Variants in UBE2W observed in about 807,000 individuals in gnomAD.
UBE2W encodes the protein ubiquitin-conjugating enzyme E2 W.
In UBE2W, 18 loss-of-function variants were observed where a neutral mutation model predicts 27.2. The observed-to-expected ratio is 0.66, with a 90% CI of 0.46 to 0.98. UBE2W has a LOEUF of 0.98. Ranked by LOEUF, UBE2W falls within the 50% of genes least tolerant of loss-of-function variation. UBE2W has a pLI of 0.00. For synonymous variants in UBE2W, 53 were observed against 57.2 expected (o/e 0.93, Z 0.33); for missense variants, 90 against 180.2 (o/e 0.50, Z 2.87).
intron 1 of UBE2W, among the ~76,000 whole-genome samples, chr8:73,852,337 C>A (rs542286792): frequency 9.2e-5 from 14 of 152,246 alleles, no homozygotes; most frequent in African/African-American, 3.1e-4. Flanking sequence ...GAGTTTACTA[C>A]CCTAGAATCA....
At chr8:73,837,804 T>C (rs1424399296) in intron 1 of UBE2W, among the ~76,000 whole-genome samples, 3 of 152,180 alleles carry the variant, frequency 2.0e-5, no homozygotes, top group African/African-American at 7.2e-5. Flanking sequence ...AACACATGAC[T>C]TCAGCAAATC....
chr8:73,838,290 G>C (rs1190240744), intron 1 of UBE2W, among the ~76,000 whole-genome samples: 1 of 151,592 alleles, frequency 6.6e-6, no homozygotes, highest in African/African-American at 2.4e-5. Flanking sequence ...TTTTCCCCCC[G>C]GTAAGAAAAC....
intron 1 of UBE2W, among the ~76,000 whole-genome samples, chr8:73,872,660 G>A (rs966332680): frequency 1.3e-5 from 2 of 152,168 alleles, no homozygotes; most frequent in Non-Finnish European, 2.9e-5. Flanking sequence ...AATGAACACA[G>A]TTTGGCATCA....
intron 5 of UBE2W, among the ~76,000 whole-genome samples, chr8:73,798,413 TG>T (rs1244159733): frequency 1.3e-5 from 2 of 152,246 alleles, no homozygotes; most frequent in African/African-American, 4.8e-5. Context: ...TAGCTCATTA[TG>T]TATATGCAAA....
chr8:73,869,620 G>C (rs559313841), intron 1 of UBE2W, among the ~76,000 whole-genome samples: 16 of 152,306 alleles, frequency 1.1e-4, no homozygotes, highest in African/African-American at 3.6e-4. Context: ...GAACCTGGGA[G>C]ACGGAGGTTG....
intron 1 of UBE2W, among the ~76,000 whole-genome samples, chr8:73,844,031 C>T (rs1025351292): frequency 2.0e-5 from 3 of 152,094 alleles, no homozygotes; most frequent in Non-Finnish European, 2.9e-5. Context: ...TGAGAATCTC[C>T]CAGAATTGTT....
chr8:73,823,883 AG>A (rs1379688955), intron 3 of UBE2W, among the ~76,000 whole-genome samples: 1 of 152,310 alleles, frequency 6.6e-6, no homozygotes, highest in East Asian at 1.9e-4. Context: ...TACATAACTA[AG>A]AAAAGATTAA....
At chr8:73,815,373 T>C (rs1809342524) in intron 3 of UBE2W, among the ~76,000 whole-genome samples, 1 of 151,906 alleles carries the variant, frequency 6.6e-6, no homozygotes, top group Middle Eastern at 3.4e-3. Context: ...GACCCTGTCT[T>C]GGAAAAAAAA....
At chr8:73,828,791 T>C (rs1809956084) in intron 2 of UBE2W, among the ~76,000 whole-genome samples, 1 of 152,184 alleles carries the variant, frequency 6.6e-6, no homozygotes, top group Admixed American at 6.5e-5. Context: ...ATACTTTTAG[T>C]TATGTGAAAA....
chr8:73,790,552 A>G lies in UBE2W; in HGVS notation c.*3550T>C, dbSNP rs143068315. The G allele has an allele frequency of 1.5e-5, 15 of 984,382 alleles. No homozygotes were observed. Among genetic ancestry groups the G allele is most frequent in the Admixed American group, 6.1e-5 (1 of 16,286 alleles). 61.0% of individuals were successfully genotyped at this position (984,382 alleles called of 1,614,324 possible). A position where few individuals can be genotyped will look rare whatever the true frequency, so the allele number is the denominator to read the frequency against. ...AAGCATTCAGCTAAGATATGTACAAAAAAATTAATGAAAGTGAGATCAAGA... is the reference window on the plus strand; with the variant it reads ...AAGCATTCAGCTAAGATATGTACAAGAAAATTAATGAAAGTGAGATCAAGA... On this transcript the variant is annotated 3_prime_UTR_variant, in exon 6 of 6. Coordinates refer to ENST00000602593, the MANE Select transcript of UBE2W (RefSeq NM_018299.6).
At position 73,793,097 on chromosome 8, in the gene UBE2W, C is replaced by T. The variant is rs1808269883; in HGVS notation, c.*1005G>A. ...CAATAAAAGTATTGTAACATTCAAA[C>T]TTGACTTATAACAAAAGAAACAAGA... On this transcript the variant is annotated 3_prime_UTR_variant, in exon 6 of 6. Transcript: ENST00000602593. 3 of 985,734 alleles carry T rather than the reference C, an allele frequency of 3.0e-6. No individual in the cohort carries two copies. Among genetic ancestry groups the T allele is most frequent in the Non-Finnish European group, 3.6e-6 (3 of 829,876 alleles). The allele number at this position is 985,734 out of a possible 1,614,324, so 61.1% of individuals were successfully genotyped here. A position where few individuals can be genotyped will look rare whatever the true frequency, so the allele number is the denominator to read the frequency against.
chr8:73,830,951 A>G (rs1186788128), intron 1 of UBE2W, among the ~76,000 whole-genome samples: 1 of 152,236 alleles, frequency 6.6e-6, no homozygotes, highest in African/African-American at 2.4e-5. Flanking sequence ...CTGTCCTATA[A>G]TTCACAATCT....
At chr8:73,837,583 C>G (rs548980466) in intron 1 of UBE2W, among the ~76,000 whole-genome samples, 2 of 151,990 alleles carry the variant, frequency 1.3e-5, no homozygotes, top group African/African-American at 4.8e-5. Context: ...AATAAAACTT[C>G]GAGTATGTTT....
chr8:73,804,304 TA>T (rs959498215), intron 5 of UBE2W, among the ~76,000 whole-genome samples: 2 of 149,576 alleles, frequency 1.3e-5, no homozygotes, highest in African/African-American at 4.9e-5. Context: ...CCCACACACA[TA>T]AAAAACCCCA....
At chr8:73,782,267 T>C (rs1199041838), downstream of UBE2W, among the ~76,000 whole-genome samples, 1 of 152,124 alleles carries the variant, frequency 6.6e-6, no homozygotes. Context: ...TTTTTTTAAT[T>C]GAGGTATAAT....
At chr8:73,837,289 C>T (rs1810349436) in intron 1 of UBE2W, among the ~76,000 whole-genome samples, 1 of 152,108 alleles carries the variant, frequency 6.6e-6, no homozygotes, top group South Asian at 2.1e-4. Flanking sequence ...GAGGCAGGTG[C>T]ATCACCTGAG....
intron 1 of UBE2W, among the ~76,000 whole-genome samples, chr8:73,839,520 G>C (rs1053446731): frequency 6.6e-6 from 1 of 151,684 alleles, no homozygotes; most frequent in Non-Finnish European, 1.5e-5. Flanking sequence ...AGCCGGGCAT[G>C]GTGGCACATG....
At chr8:73,785,906 GTTTC>G (rs759322329), downstream of UBE2W, among the ~76,000 whole-genome samples, 145 of 152,304 alleles carry the variant, frequency 9.5e-4, no homozygotes, top group Non-Finnish European at 1.8e-3. Flanking sequence ...TCACAGACAT[GTTTC>G]TTTGATAATC....
intron 1 of UBE2W, chr8:73,831,399 A>G (rs1810057364): frequency 6.1e-6 from 1 of 164,100 alleles, no homozygotes; most frequent in Non-Finnish European, 1.3e-5. Flanking sequence ...GTCAAAAAGA[A>G]TATATTTTCA....
Sources: gnomAD v4.1 joint callset for allele counts (sites outside exome capture counted in the v4.1 genomes callset) on GRCh38, gnomAD v4.1.1 for gene constraint, MANE v1.5 for transcripts, NCBI Gene and HGNC (gene_info 2026-07-23, HGNC 2026-07-21) for gene names.